The following ATOH8 variants were observed in gnomAD, a reference collection of about 807,000 sequenced individuals.
The protein encoded by ATOH8 is atonal bHLH transcription factor 8.
Under a neutral mutation model 21.2 loss-of-function variants are expected in ATOH8, and 9 were observed. The ratio of observed to expected loss-of-function variants is 0.42; its 90% CI spans 0.26 to 0.74. The LOEUF is 0.74. ATOH8 is among the 30% of genes least tolerant of loss of function. ATOH8 has a pLI of 0.24. For synonymous variants in ATOH8, 253 were observed against 224.0 expected (o/e 1.13, Z -1.16); for missense variants, 524 against 470.9 (o/e 1.11, Z -1.04).
chr2:85,783,863 C>T (rs571096532), intron 2 of ATOH8, among the ~76,000 whole-genome samples: 13 of 152,058 alleles, frequency 8.5e-5, no homozygotes, highest in Non-Finnish European at 1.8e-4. Flanking sequence ...CCCCGCCCCC[C>T]ACACACAGCC....
In ATOH8 at chr2:85,790,078, AC is replaced by A. The variant is rs1442945886; in HGVS notation, c.*3191del. Reference sequence around the variant, plus strand: ...TTTATGCAAGCAGCCATTCAAGGAGACCCTCAGCAAAATATAAATGACGAGG... The same window carrying A: ...TTTATGCAAGCAGCCATTCAAGGAGACCTCAGCAAAATATAAATGACGAGG... On this transcript the variant is annotated 3_prime_UTR_variant, in exon 3 of 3. Transcript: ENST00000306279. 6.6e-6 allele frequency among the ~76,000 whole-genome samples: 1 copy of A among 152,130 alleles called. No individual in the cohort carries two copies. Among genetic ancestry groups the A allele is most frequent in the African/African-American group, 2.4e-5 (1 of 41,414 alleles).
rs1462614659 is a variant in ATOH8 at position 85,790,765 on chromosome 2, C to G, written c.*3875C>G. On this transcript the variant is annotated 3_prime_UTR_variant, in exon 3 of 3. Coordinates refer to ENST00000306279, the MANE Select transcript of ATOH8 (RefSeq NM_032827.7). ...TCAAGAGCTTGCCGGTGAGCCTGGA[C>G]GGAGGCATAGGTGCAGCTAATTAGG... Among the ~76,000 whole-genome samples, 2 of 152,166 alleles carry G rather than the reference C, an allele frequency of 1.3e-5. No homozygotes were observed. Among genetic ancestry groups the G allele is most frequent in the African/African-American group, 4.8e-5 (2 of 41,438 alleles).
rs1003589407 is a variant in ATOH8, at chr2:85,774,184, C to A, written c.960+10002C>A. The A allele has an allele frequency of 4.1e-6, 4 of 985,352 alleles. No homozygotes were observed. In the African/African-American group the frequency reaches 7.0e-5, roughly 17 times the overall value. 61.0% of individuals were successfully genotyped at this position (985,352 alleles called of 1,614,324 possible). On this transcript the variant is annotated intron_variant, in intron 2 of 2. Coordinates refer to ENST00000306279, the MANE Select transcript of ATOH8 (RefSeq NM_032827.7). Reference sequence around the variant, plus strand: ...CGTGGGGCCAAAGGCAAGGAGGACCCGAGGAAGGAAGAGGAACCACTGTCC... The same window carrying A: ...CGTGGGGCCAAAGGCAAGGAGGACCAGAGGAAGGAAGAGGAACCACTGTCC...
chr2:85,761,842 C>A (rs2104502504), intron 1 of ATOH8, among the ~76,000 whole-genome samples: 1 of 152,290 alleles, frequency 6.6e-6, no homozygotes, highest in African/African-American at 2.4e-5. Flanking sequence ...TGGACTCTGG[C>A]TGGGAACGAG....
At chr2:85,755,934 G>C (rs1679680756) in intron 1 of ATOH8, among the ~76,000 whole-genome samples, 1 of 151,728 alleles carries the variant, frequency 6.6e-6, no homozygotes. Flanking sequence ...CTCTGCAGCT[G>C]ACTTGCTGTG....
chr2:85,777,814 C>T (rs1310156158), intron 2 of ATOH8, among the ~76,000 whole-genome samples: 5 of 152,196 alleles, frequency 3.3e-5, no homozygotes, highest in African/African-American at 7.2e-5. Flanking sequence ...GTGGTCTAAA[C>T]GCTTAGTAAA....
intron 1 of ATOH8, among the ~76,000 whole-genome samples, chr2:85,763,342 A>G (rs1174699034): frequency 2.6e-5 from 4 of 152,178 alleles, no homozygotes; most frequent in Non-Finnish European, 5.9e-5. Context: ...AAACGTGTCA[A>G]GTTTGTTCAG....
intron 1 of ATOH8, chr2:85,760,670 A>G (rs1042135467): frequency 1.3e-5 from 2 of 152,240 alleles, no homozygotes; most frequent in East Asian, 3.8e-4. Context: ...AAAGATGAAT[A>G]CAGACATTGT....
At position 85,766,200 on chromosome 2, in the gene ATOH8, T is replaced by G. The variant is rs142637669; in HGVS notation, c.960+2018T>G. Among the ~76,000 whole-genome samples the G allele has an allele frequency of 1.3e-3, 197 of 152,258 alleles. 1 individual carries two copies. The highest frequency in any genetic ancestry group is 4.6e-3 in the African/African-American group (190 of 41,568). The stretch of plus-strand genomic sequence containing the variant: ...CCTCAGGGTAATGATAATGAGCCCC[T>G]AAAATGCTTGAGCTCTGAACTTGAG... On this transcript the variant is annotated intron_variant, in intron 2 of 2. Transcript: ENST00000306279. This position sits in a 1 kb window ranked among gnomAD's most constrained non-coding sequence, Gnocchi z 4.0.
intron 2 of ATOH8, among the ~76,000 whole-genome samples, chr2:85,786,539 G>C (rs531685575): frequency 6.6e-6 from 1 of 152,294 alleles, no homozygotes; most frequent in East Asian, 1.9e-4. Flanking sequence ...GTGGGGACGG[G>C]CCTCTGAGAT....
intron 2 of ATOH8, among the ~76,000 whole-genome samples, chr2:85,765,678 A>C (rs1251741629): frequency 6.6e-6 from 1 of 152,136 alleles, no homozygotes; most frequent in African/African-American, 2.4e-5. Flanking sequence ...CCCCGTCTCC[A>C]TCTCAGCCCC....
At chr2:85,783,382 C>G (rs999869871) in intron 2 of ATOH8, among the ~76,000 whole-genome samples, 2 of 152,116 alleles carry the variant, frequency 1.3e-5, no homozygotes, top group African/African-American at 2.4e-5. Flanking sequence ...CCAGCCTGGC[C>G]ATGGTGAAAC....
In ATOH8 at chr2:85,754,308, A is replaced by G. The variant is rs146220531; in HGVS notation, c.119A>G (p.Tyr40Cys). Residue 40 changes from tyrosine to cysteine, a missense_variant, in exon 1 of 3, where the codon TAT (tyrosine) becomes TGT (cysteine). Physicochemically the swap from Tyr to Cys is radical, Grantham distance 194 (BLOSUM62 -2). Coordinates refer to ENST00000306279, the MANE Select transcript of ATOH8 (RefSeq NM_032827.7). ...GAGCCGGCGCGGCGCGCGAACGGCT[A>G]TAAAACTTTCCGACTGGACTTGGAA... ...GKEPARRANG[Y>C]KTFRLDLEAP... 220 of 1,609,496 alleles carry G rather than the reference A, an allele frequency of 1.4e-4. No individual in the cohort carries two copies. In the East Asian group the frequency reaches 2.8e-3, roughly 20 times the overall value.
chr2:85,763,796 G>A (rs1277818386), intron 1 of ATOH8, among the ~76,000 whole-genome samples, 195 bp from the exon 2 acceptor site: 1 of 151,048 alleles, frequency 6.6e-6, no homozygotes, highest in Non-Finnish European at 1.5e-5. Context: ...GGGAATGTGG[G>A]TATATCTCAG....
At position 85,764,007 on chromosome 2, in the gene ATOH8, A is replaced by G; in HGVS notation, c.785A>G (p.Tyr262Cys). 6.2e-7 allele frequency: 1 copy of G among 1,613,940 alleles called. No homozygotes were observed. Among genetic ancestry groups the G allele is most frequent in the Non-Finnish European group, 8.5e-7 (1 of 1,179,988 alleles). Reference protein sequence around the residue: ...ALRKQVPCYSYGQKLSKLAIL... With the variant: ...ALRKQVPCYSCGQKLSKLAIL... ...TCCCCTCAGGTGCCGTGCTACTCAT[A>G]TGGGCAGAAGCTGTCCAAACTGGCC... The change falls in exon 2 of 3, where the codon TAT (tyrosine) becomes TGT (cysteine). Residue 262 changes from tyrosine (Y) to cysteine (C), a missense_variant. By Grantham distance (194) the Tyr-to-Cys change is radical. Coordinates refer to ENST00000306279, the MANE Select transcript of ATOH8 (RefSeq NM_032827.7).
At chr2:85,777,176 A>G (rs1680351854) in intron 2 of ATOH8, among the ~76,000 whole-genome samples, 1 of 152,198 alleles carries the variant, frequency 6.6e-6, no homozygotes, top group South Asian at 2.1e-4. Context: ...CACCCTTCGG[A>G]ACTCAGAGCT....
At chr2:85,775,129 A>G (rs966942275) in intron 2 of ATOH8, 1 of 926,474 alleles carries the variant, frequency 1.1e-6, no homozygotes, top group Non-Finnish European at 1.3e-6. Flanking sequence ...GTGGTATGCT[A>G]TGTGACATAG....
rs992266097 is a variant in ATOH8, at chr2:85,766,881, A to G, written c.960+2699A>G. Among the ~76,000 whole-genome samples, 13 of 151,804 alleles carry G rather than the reference A, an allele frequency of 8.6e-5. No homozygotes were observed. The highest frequency in any genetic ancestry group is 1.8e-4 in the Non-Finnish European group (12 of 67,976). On this transcript the variant is annotated intron_variant, in intron 2 of 2. Transcript: ENST00000306279. This position sits in a 1 kb window ranked among gnomAD's most constrained non-coding sequence, Gnocchi z 4.0. ...CTCTTTATCCGCTCTCTTGGTGGGGATGTGTGGCCCCACACTGAAGCCCAG... is the reference window on the plus strand; with the variant it reads ...CTCTTTATCCGCTCTCTTGGTGGGGGTGTGTGGCCCCACACTGAAGCCCAG...
intron 2 of ATOH8, among the ~76,000 whole-genome samples, chr2:85,765,241 G>A (rs143267338): frequency 1.4e-3 from 214 of 152,264 alleles, no homozygotes; most frequent in South Asian, 5.2e-3. Flanking sequence ...CATTCTTTCC[G>A]CTGCCTCCTT....
Sources: gnomAD v4.1 joint callset for allele counts (sites outside exome capture counted in the v4.1 genomes callset) on GRCh38, gnomAD v4.1.1 for gene constraint, Gnocchi (gnomAD v3.1) non-coding constraint, MANE v1.5 for transcripts, NCBI Gene and HGNC (gene_info 2026-07-23, HGNC 2026-07-21) for gene names.